CACNA1C: variants seen among roughly 807,000 people sequenced by gnomAD.
The protein encoded by CACNA1C is voltage-dependent L-type calcium channel subunit alpha-1C.
Under a neutral mutation model 229.0 loss-of-function variants are expected in CACNA1C, and 30 were observed. The observed-to-expected ratio is 0.13, with a 90% confidence interval of 0.10 to 0.18. The LOEUF (loss-of-function observed/expected upper bound fraction) is 0.18. Among genes scored for constraint, CACNA1C ranks in the 10% least tolerant of loss-of-function variants. The pLI is 1.00. For missense variants in CACNA1C, 1,658 were observed against 2,845.0 expected, an observed-to-expected ratio of 0.58 and a Z score of 9.49; for synonymous variants, 1,114 against 1,132.5, an observed-to-expected ratio of 0.98 and a Z score of 0.33.
In CACNA1C at chr12:1,971,152, T is replaced by G; in HGVS notation, c.90T>G (p.Gly30=). 1 of 1,289,314 alleles carries G rather than the reference T, an allele frequency of 7.8e-7. No individual in the cohort carries two copies. Among genetic ancestry groups the G allele is most frequent in the Non-Finnish European group, 1.0e-6 (1 of 988,432 alleles). The allele number at this position is 1,289,314 out of a possible 1,614,324, so 79.9% of individuals were successfully genotyped here. The change falls in exon 1 of 47, where the codon GGT becomes GGG. Residue 30 remains glycine (G), a synonymous_variant. Transcript: ENST00000682462. The surrounding 1 kb of genome is among the most constrained non-coding windows in gnomAD (Gnocchi z 4.2). ...CCAACACGGAGGTCAAGTTTAAGGG[T>G]ACTTTGGTGCATGAAGCTCAACTCA...
chr12:2,130,413 A>C (rs2091927944), intron 3 of CACNA1C, among the ~76,000 whole-genome samples: 1 of 130,112 alleles, frequency 7.7e-6, no homozygotes, highest in African/African-American at 2.9e-5. Flanking sequence ...CTAACTCATC[A>C]TCTAGCATTA....
At chr12:2,142,025 ACT>A (rs1338973736) in intron 3 of CACNA1C, among the ~76,000 whole-genome samples, 1 of 150,668 alleles carries the variant, frequency 6.6e-6, no homozygotes, top group South Asian at 2.1e-4. Flanking sequence ...TTGGGACAAG[ACT>A]CTGTATTGGG....
At chr12:2,582,009 G>T (rs1378218432) in intron 14 of CACNA1C, among the ~76,000 whole-genome samples, 1 of 151,624 alleles carries the variant, frequency 6.6e-6, no homozygotes, top group Admixed American at 6.6e-5. Flanking sequence ...ACCATTAGGG[G>T]AAACAATATA....
intron 4 of CACNA1C, among the ~76,000 whole-genome samples, chr12:2,456,218 A>G (rs1252264704): frequency 6.6e-6 from 1 of 152,096 alleles, no homozygotes; most frequent in East Asian, 1.9e-4. Flanking sequence ...AGCCAGTCCC[A>G]CTAACTTTAT....
chr12:2,115,399 A>C lies in CACNA1C; in HGVS notation c.225A>C (p.Thr75=), dbSNP rs756361032. ...MGSAGNATIS[T]VSSTQRKRQQ... ...GCGCTGGCAATGCGACCATCTCCAC[A>C]GTCAGCTCCACGCAGCGGAAGCGGC... Residue 75 remains threonine (T), a synonymous_variant, in exon 2 of 47, where the codon ACA becomes ACC. Transcript: ENST00000399655. The C allele has an allele frequency of 8.7e-6, 14 of 1,611,610 alleles. No homozygotes were observed. In the East Asian group the frequency reaches 3.1e-4, roughly 36 times the overall value.
intron 3 of CACNA1C, among the ~76,000 whole-genome samples, chr12:2,396,300 A>C (rs995769026): frequency 1.6e-4 from 25 of 152,176 alleles, no homozygotes; most frequent in Non-Finnish European, 1.0e-4. Context: ...GAAACATGGA[A>C]ATATTTTTGC....
At chr12:2,050,596 A>G (rs2051973001), upstream of CACNA1C, among the ~76,000 whole-genome samples, 1 of 152,244 alleles carries the variant, frequency 6.6e-6, no homozygotes, top group Non-Finnish European at 1.5e-5. Context: ...AGTAAATGCG[A>G]AATATTTGAA....
At position 2,180,180 on chromosome 12, in the gene CACNA1C, C is replaced by T. The variant is rs74689012; in HGVS notation, c.477+59750C>T. On this transcript the variant is annotated intron_variant, in intron 3 of 46. Coordinates refer to ENST00000399655, the MANE Select transcript of CACNA1C (RefSeq NM_000719.7). The stretch of plus-strand genomic sequence containing the variant: ...ATGAAGCCTTCATTCTGAGTAAACA[C>T]GCATGCAAGTATAAACACATACCTA... Among the ~76,000 whole-genome samples, 119 of 152,334 alleles carry T rather than the reference C, an allele frequency of 7.8e-4. 3 individuals carry two copies. In the East Asian group the frequency reaches 0.02, roughly 26 times the overall value.
intron 3 of CACNA1C, among the ~76,000 whole-genome samples, chr12:2,318,740 G>C (rs2095819356): frequency 1.3e-5 from 2 of 152,142 alleles, no homozygotes; most frequent in South Asian, 4.2e-4. Flanking sequence ...AGAGAATGGA[G>C]GGAGAGAGGG....
In CACNA1C at chr12:2,608,744, GGGCCCACGGAGGGAATGGCAGCCTGC is replaced by G. The variant is rs769802187; in HGVS notation, c.3558+40_3558+65del. On this transcript the variant is annotated intron_variant, in intron 27 of 46. Transcript: ENST00000399655. The surrounding 1 kb of genome is among the most constrained non-coding windows in gnomAD (Gnocchi z 4.2). ...TCCTAGGAAGGAGCGGAGGGAAGCG[GGGCCCACGGAGGGAATGGCAGCCTGC>G]GGCCCACCCCGCAGAGGGGCTGCGA... 43 of 1,609,506 alleles carry G rather than the reference GGGCCCACGGAGGGAATGGCAGCCTGC, an allele frequency of 2.7e-5. 1 individual carries two copies. The East Asian group carries it at 3.6e-4, about 13-fold the overall frequency.
In CACNA1C at chr12:2,191,611, C is replaced by G. The variant is rs186520578; in HGVS notation, c.477+71181C>G. Among the ~76,000 whole-genome samples the G allele has an allele frequency of 1.3e-3, 192 of 152,208 alleles. 2 individuals carry two copies. The highest frequency in any genetic ancestry group is 4.6e-3 in the African/African-American group (189 of 41,518). ...ACACATGCACTCACACACATGCGCT[C>G]AGGCACACATGCACTCACAGGCACA... On this transcript the variant is annotated intron_variant, in intron 3 of 46. Coordinates refer to ENST00000399655, the MANE Select transcript of CACNA1C (RefSeq NM_000719.7).
At chr12:1,985,786 T>C (rs556538822) in intron 1 of CACNA1C, among the ~76,000 whole-genome samples, 1 of 152,290 alleles carries the variant, frequency 6.6e-6, no homozygotes, top group African/African-American at 2.4e-5. Flanking sequence ...TGCCTGTGGA[T>C]GATGCTTCCC....
intron 1 of CACNA1C, among the ~76,000 whole-genome samples, chr12:2,095,769 A>G (rs111508534): frequency 6.6e-6 from 1 of 152,182 alleles, no homozygotes; most frequent in African/African-American, 2.4e-5. Context: ...CATGCATCCT[A>G]TGAGGACGGA....
chr12:2,526,725 G>C (rs920631068), intron 9 of CACNA1C, among the ~76,000 whole-genome samples: 1 of 152,234 alleles, frequency 6.6e-6, no homozygotes, highest in Non-Finnish European at 1.5e-5. Flanking sequence ...GGTGAAGGTA[G>C]ACTGGAGTGA....
At chr12:2,531,933 C>A (rs1038029291) in intron 9 of CACNA1C, among the ~76,000 whole-genome samples, 2 of 152,144 alleles carry the variant, frequency 1.3e-5, no homozygotes, top group Admixed American at 6.5e-5. Context: ...TAGGAACTTA[C>A]CAGTCACAAA....
upstream of CACNA1C, chr12:2,048,248 C>G (rs2051420723): frequency 6.6e-6 from 1 of 152,208 alleles, no homozygotes; most frequent in South Asian, 2.1e-4. Flanking sequence ...AATGCAAAAC[C>G]ACCACACTGA....
rs184741635 is a variant in CACNA1C at position 2,373,793 on chromosome 12, T to C, written c.478-75183T>C. On this transcript the variant is annotated intron_variant, in intron 3 of 46. Transcript: ENST00000399655. ...CATTAGTGGCGATTAAAAAAAGATA[T>C]TTGCCACCCTTCTTAGGCTTGAAGG... Among the ~76,000 whole-genome samples the C allele has an allele frequency of 2.8e-4, 42 of 152,322 alleles. 1 individual carries two copies. The East Asian group carries it at 7.7e-3, about 28-fold the overall frequency.
chr12:2,381,399 C>T (rs918945661), intron 3 of CACNA1C, among the ~76,000 whole-genome samples: 1 of 152,202 alleles, frequency 6.6e-6, no homozygotes, highest in Non-Finnish European at 1.5e-5. Context: ...GTTGTCAGCT[C>T]AGACAAACTC....
intron 29 of CACNA1C, among the ~76,000 whole-genome samples, chr12:2,623,696 C>T (rs766693881): frequency 4.6e-5 from 7 of 152,136 alleles, no homozygotes; most frequent in Non-Finnish European, 7.4e-5. Flanking sequence ...CCAGGAATGC[C>T]GTGTGCCTGT....
Sources: allele counts gnomAD v4.1 joint callset (sites outside exome capture counted in the v4.1 genomes callset), GRCh38; gene constraint gnomAD v4.1.1; non-coding constraint Gnocchi (gnomAD v3.1); transcripts MANE v1.5; gene names NCBI Gene and HGNC (gene_info 2026-07-23, HGNC 2026-07-21).